LTBP3: variants seen among roughly 807,000 people sequenced by gnomAD.
The protein encoded by LTBP3 is latent transforming growth factor beta binding protein 3.
Under a neutral mutation model 159.7 loss-of-function variants are expected in LTBP3, and 97 were observed. The ratio of observed to expected loss-of-function variants is 0.61; its 90% CI spans 0.52 to 0.72. LTBP3 has a LOEUF of 0.72. Ranked by LOEUF, LTBP3 falls within the 30% of genes least tolerant of loss-of-function variation. The pLI, the probability that LTBP3 is intolerant of heterozygous loss-of-function variation, is 0.00. For synonymous variants in LTBP3, 824 were observed against 777.1 expected, an observed-to-expected ratio of 1.06 and a Z score of -1.00; for missense variants, 1,584 against 1,864.3, an observed-to-expected ratio of 0.85 and a Z score of 2.77.
chr11:65,552,231 G>C lies in LTBP3; in HGVS notation c.1345+17C>G, dbSNP rs767352652. 1.2e-6 allele frequency: 2 copies of C among 1,614,128 alleles called. No homozygotes were observed. Among genetic ancestry groups the C allele is most frequent in the Non-Finnish European group, 8.5e-7 (1 of 1,180,002 alleles). Reference sequence around the variant, plus strand: ...CATGGACCTATGAACCCCTATCCCCGGGTAACCCTGACTCACCGGTGCCAT... The same window carrying C: ...CATGGACCTATGAACCCCTATCCCCCGGTAACCCTGACTCACCGGTGCCAT... On this transcript the variant is annotated intron_variant, in intron 7 of 27. Coordinates refer to ENST00000301873, the MANE Select transcript of LTBP3 (RefSeq NM_001130144.3). This position sits in a 1 kb window ranked among gnomAD's most constrained non-coding sequence, Gnocchi z 6.0.
rs1393110584 is a variant in LTBP3 at position 65,540,072 on chromosome 11, C to T, written c.3326G>A (p.Arg1109His). 3.3e-6 allele frequency: 5 copies of T among 1,524,110 alleles called. No homozygotes were observed. Among genetic ancestry groups the T allele is most frequent in the South Asian group, 1.2e-5 (1 of 82,984 alleles). 94.4% of individuals were successfully genotyped at this position (1,524,110 alleles called of 1,614,324 possible). A position where few individuals can be genotyped will look rare whatever the true frequency, so the allele number is the denominator to read the frequency against. The change falls in exon 24 of 28, where the codon CGC (arginine) becomes CAC (histidine). Residue 1109 changes from arginine to histidine, a missense_variant. Transcript: ENST00000301873. ...GGAGGGCCCGGGCACCCAGGGCGGG[C>T]GACACTCGCAGCGGTAGGAGCCCGG... Reference protein sequence around the residue: ...NLPGSYRCECRPPWVPGPSGR... With the variant: ...NLPGSYRCECHPPWVPGPSGR...
chr11:65,548,201 C>G (rs553515146), intron 11 of LTBP3, 156 bp from the exon 12 acceptor site: 41 of 1,116,354 alleles, frequency 3.7e-5, no homozygotes, highest in Non-Finnish European at 5.4e-5. Context: ...TTTTAGATAA[C>G]CCCAATATCA....
In LTBP3 at chr11:65,539,423, C is replaced by T; in HGVS notation, c.3665G>A (p.Arg1222His). 6.4e-7 allele frequency: 1 copy of T among 1,552,804 alleles called. No individual in the cohort carries two copies. The highest frequency in any genetic ancestry group is 8.7e-7 in the Non-Finnish European group (1 of 1,147,930). ...DSSEEDSDEC[R>H]CVSGRCVPRP... ...CGGCACGCAGCGGCCACTCACGCAG[C>T]GACACTCGTCTGAATCCTCCTCTGA... The change falls in exon 27 of 28, where the codon CGC becomes CAC. Residue 1222 changes from arginine to histidine, a missense_variant. Physicochemically the swap from Arg to His is conservative, Grantham distance 29. Around this residue, in one of 6 missense-constraint regions of LTBP3, gnomAD observed 514 missense variants for 530.3 expected, o/e 0.97. Transcript: ENST00000301873.
chr11:65,552,831 C>T lies in LTBP3; in HGVS notation c.1186+29G>A, dbSNP rs765034972. ...CTTGCTCCCACCCATGCCTTGTGAC[C>T]TCCCAGGAACCTGAGCCCCAGGTCT... On this transcript the variant is annotated intron_variant, in intron 6 of 27. Coordinates refer to ENST00000301873, the MANE Select transcript of LTBP3 (RefSeq NM_001130144.3). The surrounding 1 kb of genome is among the most constrained non-coding windows in gnomAD (Gnocchi z 6.0). 6.2e-7 allele frequency: 1 copy of T among 1,614,104 alleles called. No homozygotes were observed. The highest frequency in any genetic ancestry group is 1.1e-5 in the South Asian group (1 of 91,062).
Position 65,557,871 on chromosome 11 carries a change from A to C in LTBP3, c.89T>G (p.Leu30Arg), listed in dbSNP as rs966781991. The change falls in exon 1 of 28, where the codon CTG becomes CGG. Residue 30 changes from leucine (L) to arginine (R), a missense_variant. Leu to Arg is a moderately radical substitution (Grantham distance 102). Coordinates refer to ENST00000301873, the MANE Select transcript of LTBP3 (RefSeq NM_001130144.3). Reference sequence around the variant, plus strand: ...GCCCAGGCCCAGCAGCAGCAGCAGCAGCAGCAGCAGCAGCGCCAGCAGCCC... The same window carrying C: ...GCCCAGGCCCAGCAGCAGCAGCAGCCGCAGCAGCAGCAGCGCCAGCAGCCC... ...AAGLLALLLL[L>R]LLLLLGLGGR... is the part of the protein sequence containing the mutation. 3.1e-5 allele frequency: 41 copies of C among 1,321,270 alleles called. No homozygotes were observed. The African/African-American group carries it at 5.7e-4, about 18-fold the overall frequency. 81.8% of individuals were successfully genotyped at this position (1,321,270 alleles called of 1,614,324 possible). A position where few individuals can be genotyped will look rare whatever the true frequency, so the allele number is the denominator to read the frequency against.
In LTBP3 at chr11:65,546,740, C is replaced by G. The variant is rs1856388987; in HGVS notation, c.2230+58G>C. The G allele has an allele frequency of 1.9e-6, 3 of 1,544,880 alleles. No individual in the cohort carries two copies. Among genetic ancestry groups the G allele is most frequent in the Non-Finnish European group, 2.6e-6 (3 of 1,142,374 alleles). On this transcript the variant is annotated intron_variant, in intron 15 of 27. Transcript: ENST00000301873. This position sits in a 1 kb window ranked among gnomAD's most constrained non-coding sequence, Gnocchi z 4.0. ...CTACCCCGCCCCGCCCCCAGCGGAGCCAGACTGGGGGAGGCACCTGACGGC... is the reference window on the plus strand; with the variant it reads ...CTACCCCGCCCCGCCCCCAGCGGAGGCAGACTGGGGGAGGCACCTGACGGC...
chr11:65,551,294 C>T (rs1407365044), intron 10 of LTBP3, 70 bp from the exon 11 acceptor site: 2 of 1,530,104 alleles, frequency 1.3e-6, no homozygotes, highest in Non-Finnish European at 1.8e-6. Flanking sequence ...TCAGTCTTGG[C>T]CCGGCGCCCC....
At position 65,540,167 on chromosome 11, in the gene LTBP3, G is replaced by T. The variant is rs978024965; in HGVS notation, c.3245-14C>A. ...ACTCGTCCACGTCTACGAACAGCGA[G>T]GGGGTGGGTGGGGGCCGTCACAGCT... On this transcript the variant is annotated splice_polypyrimidine_tract_variant and intron_variant, in intron 23 of 27. Coordinates refer to ENST00000301873, the MANE Select transcript of LTBP3 (RefSeq NM_001130144.3). 4 of 1,535,712 alleles carry T rather than the reference G, an allele frequency of 2.6e-6. No individual in the cohort carries two copies. The African/African-American group carries it at 5.5e-5, about 21-fold the overall frequency.
chr11:65,553,893 C>T lies in LTBP3; in HGVS notation c.672G>A (p.Pro224=). 1 of 1,525,534 alleles carries T rather than the reference C, an allele frequency of 6.6e-7. No homozygotes were observed. The highest frequency in any genetic ancestry group is 2.4e-5 in the East Asian group (1 of 41,720). The allele number at this position is 1,525,534 out of a possible 1,614,324, so 94.5% of individuals were successfully genotyped here. A position where few individuals can be genotyped will look rare whatever the true frequency, so the allele number is the denominator to read the frequency against. ...GGACGCGCACATTCACCACGGGGGG[C>T]GGGGCCTGCACTGGGGGCGGGCGCG... ...PGQISAEVQA[P]PPVVNVRVHH... The change falls in exon 3 of 28, where the codon CCG becomes CCA. Residue 224 remains proline, a synonymous_variant. Transcript: ENST00000301873. This position sits in a 1 kb window ranked among gnomAD's most constrained non-coding sequence, Gnocchi z 6.5.
Position 65,541,090 on chromosome 11 carries a change from C to G in LTBP3, c.2893+36G>C, listed in dbSNP as rs1245711073. 9 of 1,602,124 alleles carry G rather than the reference C, an allele frequency of 5.6e-6. 1 individual carries two copies. The East Asian group carries it at 1.8e-4, about 32-fold the overall frequency. ...CACATTTGGCTTCCAGATGAAGAAA[C>G]TGAAGATCTGGGAAGGGGCCTGCCC... On this transcript the variant is annotated intron_variant, in intron 20 of 27. Transcript: ENST00000301873.
rs190101748 is a variant in LTBP3 at position 65,538,826 on chromosome 11, C to T, written c.*254G>A. The stretch of plus-strand genomic sequence containing the variant: ...GCTTCGAAAGCCAAGGGTAAAGAGG[C>T]ACGATCTGATTTATCAGTTTCTAGG... On this transcript the variant is annotated 3_prime_UTR_variant, in exon 28 of 28. Transcript: ENST00000301873. 8.3e-4 allele frequency: 677 copies of T among 817,180 alleles called. 1 individual carries two copies. Among genetic ancestry groups the T allele is most frequent in the Non-Finnish European group, 1.2e-3 (646 of 561,086 alleles). The allele number at this position is 817,180 out of a possible 1,614,324, so 50.6% of individuals were successfully genotyped here. A position where few individuals can be genotyped will look rare whatever the true frequency, so the allele number is the denominator to read the frequency against.
Position 65,540,233 on chromosome 11 carries a change from C to G in LTBP3, c.3244+12G>C, listed in dbSNP as rs1292752298. The G allele has an allele frequency of 6.5e-7, 1 of 1,548,892 alleles. No individual in the cohort carries two copies. The highest frequency in any genetic ancestry group is 8.7e-7 in the Non-Finnish European group (1 of 1,146,654). ...CCCTCCCGCGTACCCCACTCCCCGGCCCGGGCCTCACCCATCTCTTCCGGG... is the reference window on the plus strand; with the variant it reads ...CCCTCCCGCGTACCCCACTCCCCGGGCCGGGCCTCACCCATCTCTTCCGGG... On this transcript the variant is annotated intron_variant, in intron 23 of 27. Coordinates refer to ENST00000301873, the MANE Select transcript of LTBP3 (RefSeq NM_001130144.3).
rs1302223641 is a variant in LTBP3 at position 65,557,961 on chromosome 11, C to T, written c.-2G>A. On this transcript the variant is annotated 5_prime_UTR_variant, in exon 1 of 28. Transcript: ENST00000301873. ...AGCAGCCCCTCGGGGCCCGGGCATCCGGGGCCGCAGGACCCGGGGGAGGGG... is the reference window on the plus strand; with the variant it reads ...AGCAGCCCCTCGGGGCCCGGGCATCTGGGGCCGCAGGACCCGGGGGAGGGG... The T allele has an allele frequency of 8.7e-7, 1 of 1,153,664 alleles. No homozygotes were observed. Among genetic ancestry groups the T allele is most frequent in the Non-Finnish European group, 1.1e-6 (1 of 941,124 alleles). 71.5% of individuals were successfully genotyped at this position (1,153,664 alleles called of 1,614,324 possible).
rs746378872 is a variant in LTBP3, at chr11:65,540,909, T to A, written c.2939A>T (p.Asp980Val). Residue 980 changes from aspartate (D) to valine (V), a missense_variant, in exon 21 of 28, where the codon GAC becomes GTC. Physicochemically the swap from Asp to Val is radical, Grantham distance 152. Around this residue, in one of 6 missense-constraint regions of LTBP3, gnomAD observed 514 missense variants for 530.3 expected, o/e 0.97. Transcript: ENST00000301873. ...LCPDGKGYTQ[D>V]NNIVNYGIPA... ...GATGCCGTAGTTGACGATGTTGTTG[T>A]CCTGGGTGTAGCCCTTTCCGTCTGG... The A allele has an allele frequency of 6.2e-7, 1 of 1,613,612 alleles. No individual in the cohort carries two copies.
In LTBP3 at chr11:65,546,279, G is replaced by C. The variant is rs1856362713; in HGVS notation, c.2353+163C>G. The C allele has an allele frequency of 2.2e-6, 2 of 891,612 alleles. No homozygotes were observed. The highest frequency in any genetic ancestry group is 1.6e-6 in the Non-Finnish European group (1 of 614,960). 55.2% of individuals were successfully genotyped at this position (891,612 alleles called of 1,614,324 possible). On this transcript the variant is annotated intron_variant, in intron 16 of 27. Transcript: ENST00000301873. The surrounding 1 kb of genome is among the most constrained non-coding windows in gnomAD (Gnocchi z 4.0). The stretch of plus-strand genomic sequence containing the variant: ...AGACCCTTCCTACGTGGAAATTCTA[G>C]TGGTGCCTTCCTTGGCAAAGTTCGT...
rs774685577 is a variant in LTBP3, at chr11:65,556,918, G to A, written c.331+711C>T. ...CAGGCCTGGCCCTTTAAAGAGAGAT[G>A]CTGGGGAGGGGGTGGACTCCAAGCT... On this transcript the variant is annotated intron_variant, in intron 1 of 27. Coordinates refer to ENST00000301873, the MANE Select transcript of LTBP3 (RefSeq NM_001130144.3). Among the ~76,000 whole-genome samples the A allele has an allele frequency of 6.9e-4, 105 of 152,026 alleles. 1 individual carries two copies. Among genetic ancestry groups the A allele is most frequent in the Non-Finnish European group, 1.1e-3 (76 of 67,924 alleles).
In LTBP3 at chr11:65,540,329, T is replaced by C. The variant is rs1204899060; in HGVS notation, c.3160A>G (p.Thr1054Ala). The change falls in exon 23 of 28, where the codon ACG (threonine) becomes GCG (alanine). Residue 1054 changes from threonine (T) to alanine (A), a missense_variant. Physicochemically the swap from Thr to Ala is moderately conservative, Grantham distance 58. Around this residue, in one of 6 missense-constraint regions of LTBP3, gnomAD observed 514 missense variants for 530.3 expected, o/e 0.97. Transcript: ENST00000301873. ...SNCRNGVCEN[T>A]RGGYRCACTP... Reference sequence around the variant, plus strand: ...CAGGCACAGCGGTAGCCGCCGCGCGTGTTCTCACACACTCCGTTCCGGCAG... The same window carrying C: ...CAGGCACAGCGGTAGCCGCCGCGCGCGTTCTCACACACTCCGTTCCGGCAG... 1 of 1,579,388 alleles carries C rather than the reference T, an allele frequency of 6.3e-7. No individual in the cohort carries two copies. The highest frequency in any genetic ancestry group is 8.6e-7 in the Non-Finnish European group (1 of 1,163,922).
In LTBP3 at chr11:65,539,612, T is replaced by C. The variant is rs1237891837; in HGVS notation, c.3564A>G (p.Thr1188=). Residue 1188 remains threonine (T), a synonymous_variant, in exon 26 of 28, where the codon ACA becomes ACG. Coordinates refer to ENST00000301873, the MANE Select transcript of LTBP3 (RefSeq NM_001130144.3). Reference sequence around the variant, plus strand: ...AGAAGGAATTGCTCTCGCTCTGCGATGTCGGGCAATGGGACCCTGGGAGGA... The same window carrying C: ...AGAAGGAATTGCTCTCGCTCTGCGACGTCGGGCAATGGGACCCTGGGAGGA... ...PPRGAGSHCP[T]SQSESNSFWD... 10 of 1,611,560 alleles carry C rather than the reference T, an allele frequency of 6.2e-6. No homozygotes were observed. The highest frequency in any genetic ancestry group is 8.5e-6 in the Non-Finnish European group (10 of 1,179,090).
chr11:65,547,923 C>T lies in LTBP3; in HGVS notation c.1843G>A (p.Val615Met), dbSNP rs1856448635. The stretch of plus-strand genomic sequence containing the variant: ...CCGCCGCCTGCCCTGCGCTCACCCA[C>T]GCAGTAGCGGTGCTGGGGATGTGAC... The part of the protein sequence containing the change: ...YRSHPQHRYC[V>M]DVNECEAEPC... Residue 615 changes from valine (V) to methionine (M), a missense_variant, in exon 12 of 28, where the codon GTG (valine) becomes ATG (methionine). By Grantham distance (21) the Val-to-Met change is conservative (BLOSUM62 1). This residue lies in a region of LTBP3 where 565 missense variants were observed against 677.7 expected (regional missense o/e 0.83). Coordinates refer to ENST00000301873, the MANE Select transcript of LTBP3 (RefSeq NM_001130144.3). This position sits in a 1 kb window ranked among gnomAD's most constrained non-coding sequence, Gnocchi z 4.6. The T allele has an allele frequency of 6.2e-7, 1 of 1,613,800 alleles. No homozygotes were observed. Among genetic ancestry groups the T allele is most frequent in the Non-Finnish European group, 8.5e-7 (1 of 1,179,990 alleles).
Sources: gnomAD v4.1 joint callset for allele counts (sites outside exome capture counted in the v4.1 genomes callset) on GRCh38, gnomAD v4.1.1 for gene constraint, gnomAD v4.1.1 regional missense constraint, Gnocchi (gnomAD v3.1) non-coding constraint, MANE v1.5 for transcripts, NCBI Gene and HGNC (gene_info 2026-07-23, HGNC 2026-07-21) for gene names.